Variants in INSR observed in about 807,000 individuals in gnomAD.
The protein encoded by INSR is insulin receptor.
A neutral mutation model predicts 142.6 loss-of-function variants in INSR; 67 were observed. The ratio of observed to expected loss-of-function variants is 0.47; its 90% confidence interval spans 0.39 to 0.58. The LOEUF (loss-of-function observed/expected upper bound fraction) is 0.58, where lower values mean the gene tolerates loss of function less well. Among genes scored for constraint, INSR ranks in the 20% least tolerant of loss-of-function variants. The pLI is 0.00. For synonymous variants in INSR, 756 were observed against 743.1 expected, an observed-to-expected ratio of 1.02 and a Z score of -0.28; for missense variants, 1,248 against 1,833.2, an observed-to-expected ratio of 0.68 and a Z score of 5.83.
At chr19:7,170,511 A>C (rs1279686433) in intron 6 of INSR, 26 bp downstream of exon 6, 1 of 1,580,860 alleles carries the variant, frequency 6.3e-7, no homozygotes, top group Non-Finnish European at 8.7e-7. Context: ...CCCTCATGCC[A>C]AAAAGGTTGG....
intron 9 of INSR, among the ~76,000 whole-genome samples, chr19:7,156,104 A>G (rs1599921127): frequency 9.2e-6 from 1 of 108,278 alleles, no homozygotes; most frequent in African/African-American, 3.7e-5. Context: ...TCTGTCGCCC[A>G]GGCTGGAGTG....
intron 9 of INSR, among the ~76,000 whole-genome samples, chr19:7,155,607 A>AC (rs1555741586): frequency 1.5e-5 from 2 of 135,830 alleles, no homozygotes; most frequent in African/African-American, 5.7e-5. Context: ...GAATGGTGGG[A>AC]GGGGGTTAGA....
At chr19:7,175,509 G>A (rs557328292) in intron 3 of INSR, among the ~76,000 whole-genome samples, 1 of 152,258 alleles carries the variant, frequency 6.6e-6, no homozygotes, top group South Asian at 2.1e-4. Flanking sequence ...CGAGCTGCCA[G>A]TAGCATCCCT....
At chr19:7,282,903 G>A (rs1165623244) in intron 1 of INSR, among the ~76,000 whole-genome samples, 1 of 151,982 alleles carries the variant, frequency 6.6e-6, no homozygotes, top group Non-Finnish European at 1.5e-5. Flanking sequence ...AACCCGGAAG[G>A]CGAAGCTTGC....
In INSR at chr19:7,287,776, C is replaced by T. The variant is rs537806999; in HGVS notation, c.100+6016G>A. On this transcript the variant is annotated intron_variant, in intron 1 of 21. Coordinates refer to ENST00000302850, the MANE Select transcript of INSR (RefSeq NM_000208.4). ...CATTCGAGTTGTACCAGGGACTGCA[C>T]AAGCTATTAGGCATGCTATCATGAA... 9.9e-5 allele frequency among the ~76,000 whole-genome samples: 15 copies of T among 152,262 alleles called. No homozygotes were observed. The South Asian group carries it at 1.5e-3, about 15-fold the overall frequency.
chr19:7,199,956 A>G (rs1016072679), intron 2 of INSR, among the ~76,000 whole-genome samples: 2 of 152,164 alleles, frequency 1.3e-5, no homozygotes, highest in African/African-American at 4.8e-5. Flanking sequence ...GGCGGGGATT[A>G]GGTGACTGTC....
At chr19:7,137,990 GTC>G (rs1228469459) in intron 13 of INSR, among the ~76,000 whole-genome samples, 1 of 142,742 alleles carries the variant, frequency 7.0e-6, no homozygotes, top group Non-Finnish European at 1.5e-5. Context: ...TTGAGATGGA[GTC>G]TCACTCTGTC....
intron 2 of INSR, among the ~76,000 whole-genome samples, chr19:7,219,800 C>G (rs1430680791): frequency 1.3e-5 from 2 of 152,220 alleles, no homozygotes; most frequent in Non-Finnish European, 1.5e-5. Flanking sequence ...GACCCCATCT[C>G]TCTCCCTTTC....
At chr19:7,221,942 G>A (rs1975633857) in intron 2 of INSR, among the ~76,000 whole-genome samples, 1 of 151,880 alleles carries the variant, frequency 6.6e-6, no homozygotes, top group African/African-American at 2.4e-5. Context: ...AAGCAGCTGG[G>A]AAGATCCACA....
intron 3 of INSR, among the ~76,000 whole-genome samples, chr19:7,175,245 G>A (rs1164252686): frequency 6.6e-6 from 1 of 152,108 alleles, no homozygotes; most frequent in East Asian, 1.9e-4. Context: ...CGGGCGTGGT[G>A]GCTCCTGCCT....
Position 7,166,194 on chromosome 19 carries a change from C to G in INSR, c.1821G>C (p.Gly607=). Residue 607 remains glycine (G), a synonymous_variant, in exon 8 of 22, where the codon GGG becomes GGC. Coordinates refer to ENST00000302850, the MANE Select transcript of INSR (RefSeq NM_000208.4). This position sits in a 1 kb window ranked among gnomAD's most constrained non-coding sequence, Gnocchi z 4.1. ...VTFSDERRTY[G]AKSDIIYVQT... ...GGACATAAATGATGTCACTCTTGGC[C>G]CCATAGGTCCGGCGTTCATCCGAAA... The G allele has an allele frequency of 6.2e-7, 1 of 1,614,108 alleles. No homozygotes were observed. Among genetic ancestry groups the G allele is most frequent in the Admixed American group, 1.7e-5 (1 of 59,986 alleles).
At chr19:7,246,125 C>A (rs1976530703) in intron 2 of INSR, among the ~76,000 whole-genome samples, 1 of 152,122 alleles carries the variant, frequency 6.6e-6, no homozygotes, top group Non-Finnish European at 1.5e-5. Context: ...GTTTTATGAG[C>A]CCCACTGTTT....
At chr19:7,209,543 G>A (rs186598763) in intron 2 of INSR, among the ~76,000 whole-genome samples, 1 of 151,516 alleles carries the variant, frequency 6.6e-6, no homozygotes, top group Admixed American at 6.6e-5. Context: ...TCAGCCTCTC[G>A]AGTAACTGGG....
At chr19:7,219,811 C>T (rs1975557468) in intron 2 of INSR, among the ~76,000 whole-genome samples, 1 of 152,204 alleles carries the variant, frequency 6.6e-6, no homozygotes, top group Non-Finnish European at 1.5e-5. Context: ...TCTCCCTTTC[C>T]TTTTCGCAGT....
chr19:7,291,402 G>T (rs1041625788), intron 1 of INSR, among the ~76,000 whole-genome samples: 3 of 152,198 alleles, frequency 2.0e-5, no homozygotes, highest in Admixed American at 1.3e-4. Flanking sequence ...TATGCAAAGC[G>T]CATAGAACAG....
chr19:7,146,291 G>T (rs1568443911), intron 11 of INSR, among the ~76,000 whole-genome samples: 1 of 146,670 alleles, frequency 6.8e-6, no homozygotes, highest in Non-Finnish European at 1.5e-5. Flanking sequence ...CCAGGCTGGA[G>T]TGTGCAATGG....
chr19:7,168,367 G>A lies in INSR; in HGVS notation c.1484-273C>T, dbSNP rs1250269277. ...CTGAATAAGCGCAGTCTGTACCCGC[G>A]CAAGAAGGACAACCGGCCAATAGTT... is the stretch of plus-strand genomic sequence containing the variant. On this transcript the variant is annotated intron_variant, in intron 6 of 21. Coordinates refer to ENST00000302850, the MANE Select transcript of INSR (RefSeq NM_000208.4). This position sits in a 1 kb window ranked among gnomAD's most constrained non-coding sequence, Gnocchi z 4.3. Among the ~76,000 whole-genome samples the A allele has an allele frequency of 1.3e-5, 2 of 152,114 alleles. No individual in the cohort carries two copies. Among genetic ancestry groups the A allele is most frequent in the African/African-American group, 4.8e-5 (2 of 41,414 alleles).
chr19:7,135,637 G>C, intron 13 of INSR, among the ~76,000 whole-genome samples: 1 of 151,480 alleles, frequency 6.6e-6, no homozygotes, highest in Non-Finnish European at 1.5e-5. Context: ...TAAATAGCTA[G>C]AGGTGGCTTT....
intron 2 of INSR, among the ~76,000 whole-genome samples, chr19:7,198,193 C>T (rs1203115035): frequency 2.0e-5 from 3 of 151,584 alleles, no homozygotes; most frequent in Non-Finnish European, 4.4e-5. Flanking sequence ...CCGGCCCCGG[C>T]GGTTGCGGCG....
Sources: allele counts gnomAD v4.1 joint callset (sites outside exome capture counted in the v4.1 genomes callset), GRCh38; gene constraint gnomAD v4.1.1; non-coding constraint Gnocchi (gnomAD v3.1); transcripts MANE v1.5; gene names NCBI Gene and HGNC (gene_info 2026-07-23, HGNC 2026-07-21).